CDCA2: variants seen among roughly 807,000 people sequenced by gnomAD.
The protein encoded by CDCA2 is cell division cycle associated 2, also known as cell division cycle-associated protein 2.
Under a neutral mutation model 67.0 loss-of-function variants are expected in CDCA2, and 44 were observed. That is an observed-to-expected ratio of 0.66 (90% CI 0.52 to 0.84). The LOEUF is 0.84. Ranked by LOEUF, CDCA2 falls within the 40% of genes least tolerant of loss-of-function variation. The pLI, the probability that CDCA2 is intolerant of heterozygous loss-of-function variation, is 0.00. For synonymous variants in CDCA2, 447 were observed against 418.7 expected, an observed-to-expected ratio of 1.07 and a Z score of -0.82; for missense variants, 1,253 against 1,203.2, an observed-to-expected ratio of 1.04 and a Z score of -0.61.
chr8:25,490,400 G>A (rs1803955021), intron 13 of CDCA2, among the ~76,000 whole-genome samples: 1 of 151,836 alleles, frequency 6.6e-6, no homozygotes, highest in African/African-American at 2.4e-5. Context: ...GGATGAGGAG[G>A]GGTATTGAGA....
In CDCA2 at chr8:25,487,542, C is replaced by T. The variant is rs142407797; in HGVS notation, c.1533+208C>T. On this transcript the variant is annotated intron_variant, in intron 12 of 14. Coordinates refer to ENST00000330560, the MANE Select transcript of CDCA2 (RefSeq NM_152562.4). ...GGATCATGAGGTCAGGAGATTGAGA[C>T]CATTCTGGCTAACACGGTAAAATCC... 2.4e-3 allele frequency among the ~76,000 whole-genome samples: 359 copies of T among 152,200 alleles called. 2 individuals carry two copies. In the South Asian group the frequency reaches 0.027, roughly 12 times the overall value.
intron 7 of CDCA2, 103 bp downstream of exon 7, chr8:25,470,083 A>T: frequency 1.4e-6 from 1 of 721,866 alleles, no homozygotes; most frequent in African/African-American, 1.7e-5. Flanking sequence ...ATTGTTTCCT[A>T]CTTTTTAGGA....
In CDCA2 at chr8:25,467,065, A is replaced by AAC. The variant is rs748648393; in HGVS notation, c.538+756_538+757dup. On this transcript the variant is annotated intron_variant, in intron 5 of 14. Transcript: ENST00000330560. ...TCAAAAAAAAAAAAAAAAAAAAAAA[A>AAC]ACACACACACACACACAAATATATC... Among the ~76,000 whole-genome samples, 518 of 126,076 alleles carry AAC rather than the reference A, an allele frequency of 4.1e-3. 3 individuals are homozygous for AAC. Among genetic ancestry groups the AAC allele is most frequent in the African/African-American group, 5.5e-3 (171 of 31,156 alleles). 82.7% of individuals were successfully genotyped at this position (126,076 alleles called of 152,430 possible).
Position 25,507,566 on chromosome 8 carries a change from C to T in CDCA2, c.2900C>T (p.Ser967Phe). 6.2e-7 allele frequency: 1 copy of T among 1,614,214 alleles called. No individual in the cohort carries two copies. The highest frequency in any genetic ancestry group is 8.5e-7 in the Non-Finnish European group (1 of 1,180,034). Residue 967 changes from serine (S) to phenylalanine (F), a missense_variant, in exon 15 of 15, where the codon TCT (serine) becomes TTT (phenylalanine). By Grantham distance (155) the Ser-to-Phe change is radical. Transcript: ENST00000330560. ...PENSQGPAAG[S>F]SDEPGKRRKS... ...AACAGCCAGGGCCCTGCTGCTGGTT[C>T]TTCCGATGAACCTGGTAAGAGGAGG...
rs1803818089 is a variant in CDCA2 at position 25,487,330 on chromosome 8, G to A, written c.1529G>A (p.Arg510Lys). 6.3e-7 allele frequency: 1 copy of A among 1,585,606 alleles called. No individual in the cohort carries two copies. Among genetic ancestry groups the A allele is most frequent in the African/African-American group, 1.3e-5 (1 of 74,302 alleles). Residue 510 changes from arginine (R) to lysine (K), a missense_variant, in exon 12 of 15, where the codon AGA becomes AAA. By Grantham distance (26) the Arg-to-Lys change is conservative (BLOSUM62 2). Coordinates refer to ENST00000330560, the MANE Select transcript of CDCA2 (RefSeq NM_152562.4). ...AGAATAACAAGGACTTCTAACAGAA[G>A]AAATGTAAGTGTTTGTGTTTGGCAC... Reference protein sequence around the residue: ...VGRITRTSNRRNQLVSVVEES... With the variant: ...VGRITRTSNRKNQLVSVVEES...
At chr8:25,467,041 CAAAAAAAAA>C (rs59618544) in intron 5 of CDCA2, among the ~76,000 whole-genome samples, 7 of 49,176 alleles carry the variant, frequency 1.4e-4, no homozygotes, top group Admixed American at 3.5e-4. Flanking sequence ...GAGTCCCTTT[CAAAAAAAAA>C]AAAAAAAAAA....
intron 12 of CDCA2, among the ~76,000 whole-genome samples, chr8:25,487,871 TAAC>T (rs1803844992): frequency 6.6e-6 from 1 of 152,202 alleles, no homozygotes; most frequent in Admixed American, 6.5e-5. Flanking sequence ...ACATGGAAGT[TAAC>T]AAAATTTGTT....
intron 7 of CDCA2, among the ~76,000 whole-genome samples, chr8:25,474,974 G>A (rs1803289474): frequency 6.6e-6 from 1 of 152,168 alleles, no homozygotes; most frequent in Admixed American, 6.5e-5. Context: ...TCCTTCCACA[G>A]GTAATCACTG....
chr8:25,484,053 T>G lies in CDCA2; in HGVS notation c.1208T>G (p.Val403Gly). The change falls in exon 10 of 15, where the codon GTG becomes GGG. Residue 403 changes from valine to glycine, a missense_variant. By Grantham distance (109) the Val-to-Gly change is moderately radical. Coordinates refer to ENST00000330560, the MANE Select transcript of CDCA2 (RefSeq NM_152562.4). The stretch of plus-strand genomic sequence containing the variant: ...TTTGGAGAGGACTTAAGCCCGGAAG[T>G]GTTTGATGAATCTTTGCCAGCAAAT... ...VTFGEDLSPE[V>G]FDESLPANTP... 1 of 1,614,154 alleles carries G rather than the reference T, an allele frequency of 6.2e-7. No individual in the cohort carries two copies. Among genetic ancestry groups the G allele is most frequent in the Non-Finnish European group, 8.5e-7 (1 of 1,180,026 alleles).
intron 7 of CDCA2, among the ~76,000 whole-genome samples, chr8:25,478,050 C>T (rs564362888): frequency 2.0e-5 from 3 of 151,784 alleles, no homozygotes; most frequent in African/African-American, 7.3e-5. Flanking sequence ...CCTCAGCCTT[C>T]CAAGTAGCTG....
rs566610232 is a variant in CDCA2, at chr8:25,490,414, C to T, written c.1671+1725C>T. ...GGGATGAGGAGGGGTATTGAGAAGCCGACGACAGCCTTCAATGAATTTCTA... is the reference window on the plus strand; with the variant it reads ...GGGATGAGGAGGGGTATTGAGAAGCTGACGACAGCCTTCAATGAATTTCTA... On this transcript the variant is annotated intron_variant, in intron 13 of 14. Transcript: ENST00000330560. Among the ~76,000 whole-genome samples the T allele has an allele frequency of 1.5e-4, 22 of 151,548 alleles. No individual in the cohort carries two copies. The South Asian group carries it at 3.1e-3, about 22-fold the overall frequency.
intron 7 of CDCA2, among the ~76,000 whole-genome samples, chr8:25,470,801 G>T (rs1286477953): frequency 2.0e-5 from 3 of 148,690 alleles, no homozygotes; most frequent in Non-Finnish European, 4.4e-5. Flanking sequence ...TTACTCTCTT[G>T]CCCAGGCTGG....
chr8:25,506,455 G>A (rs901079942), intron 14 of CDCA2, 55 bp from the exon 15 acceptor site: 6 of 1,429,158 alleles, frequency 4.2e-6, no homozygotes, highest in African/African-American at 1.4e-5. Context: ...TAAATGTAAA[G>A]TTCATTCCCA....
chr8:25,473,228 T>G (rs1240646451), intron 7 of CDCA2, among the ~76,000 whole-genome samples: 1 of 152,232 alleles, frequency 6.6e-6, no homozygotes, highest in Non-Finnish European at 1.5e-5. Flanking sequence ...TGTGTATATA[T>G]ACCACGTTTT....
intron 11 of CDCA2, among the ~76,000 whole-genome samples, chr8:25,486,935 C>T (rs1198078854): frequency 1.3e-5 from 2 of 152,052 alleles, no homozygotes; most frequent in Non-Finnish European, 1.5e-5. Context: ...CAAAATGTAT[C>T]GTGGAATAAA....
chr8:25,473,947 A>ATC, intron 7 of CDCA2, among the ~76,000 whole-genome samples: 1 of 152,180 alleles, frequency 6.6e-6, no homozygotes. Flanking sequence ...CTTTCCCCAA[A>ATC]TCTCAGCAAT....
At chr8:25,472,996 A>C (rs1803218365) in intron 7 of CDCA2, among the ~76,000 whole-genome samples, 1 of 152,164 alleles carries the variant, frequency 6.6e-6, no homozygotes, top group South Asian at 2.1e-4. Context: ...TTGATCAACA[A>C]TTCCCCATTT....
At chr8:25,492,240 CA>C (rs1397104235) in intron 13 of CDCA2, among the ~76,000 whole-genome samples, 1 of 152,192 alleles carries the variant, frequency 6.6e-6, no homozygotes, top group Non-Finnish European at 1.5e-5. Context: ...CTTGAGCCAA[CA>C]TGCCCAGCCA....
At chr8:25,471,152 C>T (rs889212717) in intron 7 of CDCA2, among the ~76,000 whole-genome samples, 2 of 134,176 alleles carry the variant, frequency 1.5e-5, no homozygotes, top group Non-Finnish European at 3.3e-5. Context: ...TTGTTTTTTC[C>T]TAAAGATCTG....
Sources: allele counts gnomAD v4.1 joint callset (sites outside exome capture counted in the v4.1 genomes callset), GRCh38; gene constraint gnomAD v4.1.1; transcripts MANE v1.5; gene names NCBI Gene and HGNC (gene_info 2026-07-23, HGNC 2026-07-21).